Variants in ADAM32 observed in about 807,000 individuals in gnomAD.
ADAM32 encodes disintegrin and metalloproteinase domain-containing protein 32.
ADAM32 carries 89 observed loss-of-function variants against 114.9 expected under a neutral mutation model. The observed-to-expected ratio is 0.77, with a 90% CI of 0.65 to 0.92. The LOEUF is 0.92. Among genes scored for constraint, ADAM32 ranks in the 40% least tolerant of loss-of-function variants. ADAM32 has a pLI of 0.00. For missense variants in ADAM32, 870 were observed against 932.8 expected, an observed-to-expected ratio of 0.93 and a Z score of 0.88; for synonymous variants, 285 against 307.5, an observed-to-expected ratio of 0.93 and a Z score of 0.77.
At chr8:39,212,572 A>AT (rs1340268769) in intron 12 of ADAM32, among the ~76,000 whole-genome samples, 1 of 150,052 alleles carries the variant, frequency 6.7e-6, no homozygotes, top group African/African-American at 2.5e-5. Flanking sequence ...GACAGCACAT[A>AT]TTTTTTTATG....
chr8:39,274,458 A>G (rs1294085206), intron 21 of ADAM32, 108 bp downstream of exon 21: 1 of 1,234,866 alleles, frequency 8.1e-7, no homozygotes, highest in Non-Finnish European at 1.2e-6. Context: ...TTGGTAAAGC[A>G]ATGCACTAAA....
chr8:39,233,491 GC>G (rs1809884459), intron 15 of ADAM32, among the ~76,000 whole-genome samples: 1 of 152,116 alleles, frequency 6.6e-6, no homozygotes, highest in Non-Finnish European at 1.5e-5. Flanking sequence ...CACTTTCATC[GC>G]CATCTTGGTT....
chr8:39,250,517 G>A (rs1039699833), intron 17 of ADAM32, among the ~76,000 whole-genome samples: 2 of 151,934 alleles, frequency 1.3e-5, no homozygotes, highest in Non-Finnish European at 2.9e-5. Flanking sequence ...TTCAGCATAT[G>A]AAGTATAATT....
At chr8:39,200,914 T>G (rs1050588881) in intron 11 of ADAM32, among the ~76,000 whole-genome samples, 6 of 152,168 alleles carry the variant, frequency 3.9e-5, no homozygotes, top group African/African-American at 1.4e-4. Flanking sequence ...TGTCCGGTTT[T>G]TCCAAGATCA....
intron 20 of ADAM32, among the ~76,000 whole-genome samples, chr8:39,272,346 A>T (rs997837437): frequency 1.1e-4 from 16 of 152,302 alleles, no homozygotes; most frequent in East Asian, 3.9e-4. Context: ...TAATTCAGTC[A>T]TGAGTCGCTT....
Position 39,257,300 on chromosome 8 carries a change from T to C in ADAM32, c.2119T>C (p.Leu707=), listed in dbSNP as rs1342830592. Residue 707 remains leucine, a synonymous_variant, in exon 19 of 25, where the codon TTG becomes CTG. Transcript: ENST00000379907. ...TTAIVLARKQ[L]KKWFAKEEEF... ...CGCAATAGTTTTGGCAAGGAAACAG[T>C]TGAAAAAGTGGTTCGCCAAGGAAGA... 6.2e-7 allele frequency: 1 copy of C among 1,613,140 alleles called. No individual in the cohort carries two copies. The highest frequency in any genetic ancestry group is 8.5e-7 in the Non-Finnish European group (1 of 1,179,484).
chr8:39,213,262 T>A (rs1375325256), intron 12 of ADAM32, among the ~76,000 whole-genome samples: 1 of 152,144 alleles, frequency 6.6e-6, no homozygotes, highest in African/African-American at 2.4e-5. Context: ...CTGTATAGAA[T>A]GCGTAATGAT....
chr8:39,107,840 C>T lies in ADAM32; in HGVS notation c.58+7C>T. 1 of 1,539,538 alleles carries T rather than the reference C, an allele frequency of 6.5e-7. No individual in the cohort carries two copies. The highest frequency in any genetic ancestry group is 1.4e-5 in the African/African-American group (1 of 72,648). Reference sequence around the variant, plus strand: ...CTCCTGGCGTCAAGACCCGGTGAGCCAGCCCAGACCCTGACACTAGTCCGG... The same window carrying T: ...CTCCTGGCGTCAAGACCCGGTGAGCTAGCCCAGACCCTGACACTAGTCCGG... On this transcript the variant is annotated splice_region_variant and intron_variant, in intron 1 of 24. Transcript: ENST00000379907.
intron 19 of ADAM32, among the ~76,000 whole-genome samples, chr8:39,266,948 T>C (rs535868521): frequency 6.6e-6 from 1 of 152,348 alleles, no homozygotes; most frequent in East Asian, 1.9e-4. Flanking sequence ...CTGGGGTATG[T>C]GCTCTATCCC....
chr8:39,187,096 T>A lies in ADAM32; in HGVS notation c.1052+51T>A, dbSNP rs1564558856. 4 of 1,511,958 alleles carry A rather than the reference T, an allele frequency of 2.6e-6. No individual in the cohort carries two copies. In the East Asian group the frequency reaches 9.3e-5, roughly 35 times the overall value. 93.7% of individuals were successfully genotyped at this position (1,511,958 alleles called of 1,614,324 possible). On this transcript the variant is annotated intron_variant, in intron 11 of 24. Transcript: ENST00000379907. ...CTTATGTTTATTTCATTTTAAATAT[T>A]CAGAGTGTGAAAATTTAGTATTTAC...
chr8:39,129,125 C>CTTTTTTTTTTTT (rs71218309), intron 2 of ADAM32, among the ~76,000 whole-genome samples: 1 of 133,532 alleles, frequency 7.5e-6, no homozygotes, highest in Non-Finnish European at 1.6e-5. Context: ...TTTTTTTTGT[C>CTTTTTTTTTTTT]TTTTTTTTTT....
chr8:39,212,441 A>G lies in ADAM32; in HGVS notation c.1233+1117A>G, dbSNP rs1349029662. On this transcript the variant is annotated intron_variant, in intron 12 of 24. Coordinates refer to ENST00000379907, the MANE Select transcript of ADAM32 (RefSeq NM_145004.7). ...ATAACTATTGGTAAAATTAAGATGT[A>G]TATTTTCATCATCCCCAAAAGCTTA... Among the ~76,000 whole-genome samples, 3 of 152,290 alleles carry G rather than the reference A, an allele frequency of 2.0e-5. No homozygotes were observed. The East Asian group carries it at 5.8e-4, about 29-fold the overall frequency.
At chr8:39,140,658 C>CT (rs934072860) in intron 3 of ADAM32, among the ~76,000 whole-genome samples, 2 of 152,180 alleles carry the variant, frequency 1.3e-5, no homozygotes, top group African/African-American at 4.8e-5. Flanking sequence ...CAGGATGATG[C>CT]TGGCCTCATA....
chr8:39,216,729 T>C (rs889794833), intron 12 of ADAM32, among the ~76,000 whole-genome samples: 3 of 152,066 alleles, frequency 2.0e-5, no homozygotes, highest in African/African-American at 7.2e-5. Context: ...AGAAGGCTAA[T>C]AAAAACTCTG....
intron 22 of ADAM32, among the ~76,000 whole-genome samples, chr8:39,278,331 G>A (rs1355878520): frequency 6.8e-6 from 1 of 147,754 alleles, no homozygotes; most frequent in Non-Finnish European, 1.5e-5. Context: ...AACAGTGATA[G>A]AAATTCTCTC....
intron 19 of ADAM32, among the ~76,000 whole-genome samples, chr8:39,269,568 T>C (rs1308147413): frequency 6.6e-6 from 1 of 152,252 alleles, no homozygotes; most frequent in Non-Finnish European, 1.5e-5. Context: ...TTTAGACTTA[T>C]GGATTCTATT....
At chr8:39,221,120 T>C (rs1169784754) in intron 12 of ADAM32, 1 of 152,492 alleles carries the variant, frequency 6.6e-6, no homozygotes, top group African/African-American at 2.4e-5. Context: ...AGAATTATTA[T>C]ATTCTCTTGC....
chr8:39,167,678 A>C (rs996045611), intron 9 of ADAM32: 1 of 152,128 alleles, frequency 6.6e-6, no homozygotes, highest in African/African-American at 2.4e-5. Context: ...TGAGCATGGG[A>C]TGTGTTTCAA....
chr8:39,186,687 G>A (rs1158027965), intron 10 of ADAM32, among the ~76,000 whole-genome samples: 1 of 152,114 alleles, frequency 6.6e-6, no homozygotes, highest in East Asian at 1.9e-4. Flanking sequence ...TATGTTAGGT[G>A]TTCAGTTGTT....
Sources: gnomAD v4.1 joint callset for allele counts (sites outside exome capture counted in the v4.1 genomes callset) on GRCh38, gnomAD v4.1.1 for gene constraint, MANE v1.5 for transcripts, NCBI Gene and HGNC (gene_info 2026-07-23, HGNC 2026-07-21) for gene names.